KCNK2: variants seen among roughly 807,000 people sequenced by gnomAD.
The protein encoded by KCNK2 is potassium two pore domain channel subfamily K member 2.
Under a neutral mutation model 40.5 loss-of-function variants are expected in KCNK2, and 21 were observed. The observed-to-expected ratio is 0.52, with a 90% CI of 0.37 to 0.75. The LOEUF is 0.75. KCNK2 is among the 30% of genes least tolerant of loss of function. KCNK2 has a pLI of 0.00. For missense variants in KCNK2, 399 were observed against 531.6 expected, an observed-to-expected ratio of 0.75 and a Z score of 2.45; for synonymous variants, 191 against 202.2, an observed-to-expected ratio of 0.94 and a Z score of 0.47.
chr1:215,213,430 G>A (rs1285891085), intron 6 of KCNK2, among the ~76,000 whole-genome samples: 1 of 152,092 alleles, frequency 6.6e-6, no homozygotes, highest in Non-Finnish European at 1.5e-5. Flanking sequence ...CCAACATGGT[G>A]AAAACCCACG....
At chr1:215,227,637 G>A (rs2102707547) in intron 6 of KCNK2, among the ~76,000 whole-genome samples, 1 of 152,224 alleles carries the variant, frequency 6.6e-6, no homozygotes, top group Non-Finnish European at 1.5e-5. Flanking sequence ...TTCATTACAG[G>A]GCAATTTGGC....
chr1:215,093,074 A>G (rs1482646553), intron 2 of KCNK2, among the ~76,000 whole-genome samples: 1 of 152,122 alleles, frequency 6.6e-6, no homozygotes, highest in East Asian at 1.9e-4. Context: ...GGAAGTCATC[A>G]TTATATAGAA....
chr1:215,104,746 C>G (rs983981985), intron 2 of KCNK2, among the ~76,000 whole-genome samples: 3 of 151,874 alleles, frequency 2.0e-5, no homozygotes, highest in Non-Finnish European at 2.9e-5. Context: ...TGAGACAACT[C>G]AGAATTTTAA....
At chr1:215,111,959 G>A (rs1016679995) in intron 2 of KCNK2, among the ~76,000 whole-genome samples, 3 of 115,768 alleles carry the variant, frequency 2.6e-5, no homozygotes, top group South Asian at 4.9e-4. Flanking sequence ...ATAGTTGTGC[G>A]TTCTCTGGAC....
intron 1 of KCNK2, among the ~76,000 whole-genome samples, chr1:215,045,599 C>T (rs771920777): frequency 6.6e-6 from 1 of 152,018 alleles, no homozygotes; most frequent in Non-Finnish European, 1.5e-5. Context: ...TCCATATAAC[C>T]CTTGTTTGGT....
chr1:215,120,711 G>T (rs1424747861), intron 2 of KCNK2, among the ~76,000 whole-genome samples: 1 of 152,046 alleles, frequency 6.6e-6, no homozygotes, highest in African/African-American at 2.4e-5. Context: ...ATTTATGGAA[G>T]CCTTGATATA....
At chr1:215,095,764 C>T (rs1420239419) in intron 2 of KCNK2, among the ~76,000 whole-genome samples, 4 of 152,128 alleles carry the variant, frequency 2.6e-5, no homozygotes, top group Non-Finnish European at 5.9e-5. Flanking sequence ...GATTGTAAAC[C>T]CAGTAAACAC....
chr1:215,133,038 G>GT (rs1348006349), intron 3 of KCNK2, among the ~76,000 whole-genome samples: 4 of 151,988 alleles, frequency 2.6e-5, no homozygotes, highest in Non-Finnish European at 4.4e-5. Context: ...TTTGTTTTGG[G>GT]TTTTTTTGTT....
At chr1:215,009,252 G>A (rs553947774) in intron 1 of KCNK2, among the ~76,000 whole-genome samples, 152 of 152,060 alleles carry the variant, frequency 1.0e-3, no homozygotes, top group Middle Eastern at 3.4e-3. Flanking sequence ...AAAGCACTTG[G>A]GCAGAACCAC....
intron 2 of KCNK2, 39 bp from the exon 3 acceptor site, chr1:215,124,594 G>T: frequency 8.6e-7 from 1 of 1,168,106 alleles, no homozygotes; most frequent in South Asian, 1.2e-5. Context: ...GCCTCTGTGT[G>T]ATTCATGTGT....
At chr1:215,147,412 A>G (rs145013380) in intron 3 of KCNK2, among the ~76,000 whole-genome samples, 160 of 152,340 alleles carry the variant, frequency 1.1e-3, no homozygotes, top group African/African-American at 3.7e-3. Flanking sequence ...TCTAAAATGA[A>G]CAGATCTTTT....
At chr1:215,064,108 AT>A (rs1236841481) in intron 1 of KCNK2, among the ~76,000 whole-genome samples, 2 of 152,104 alleles carry the variant, frequency 1.3e-5, no homozygotes, top group African/African-American at 4.8e-5. Flanking sequence ...AGTTTTTAGC[AT>A]TTTTTTGATC....
rs1185320203 is a variant in KCNK2 at position 215,093,897 on chromosome 1, ATATAT to A, written c.357+7225_357+7229del. Among the ~76,000 whole-genome samples the A allele has an allele frequency of 5.5e-5, 6 of 109,868 alleles. 1 individual carries two copies. The South Asian group carries it at 7.1e-4, about 13-fold the overall frequency. 72.1% of individuals were successfully genotyped at this position (109,868 alleles called of 152,430 possible). ...TATATATTATATATTATATATAAAA[ATATAT>A]TATATATTATATATAAAAATATATA... On this transcript the variant is annotated intron_variant, in intron 2 of 6. Coordinates refer to ENST00000444842, the MANE Select transcript of KCNK2 (RefSeq NM_001017425.3).
intron 2 of KCNK2, among the ~76,000 whole-genome samples, chr1:215,122,031 G>T (rs1558100880): frequency 6.6e-6 from 1 of 151,974 alleles, no homozygotes; most frequent in East Asian, 1.9e-4. Flanking sequence ...CTGGTGCAGA[G>T]GATTGGCAAT....
intron 3 of KCNK2, among the ~76,000 whole-genome samples, chr1:215,165,756 C>T (rs764956380): frequency 6.6e-6 from 1 of 152,004 alleles, no homozygotes; most frequent in Non-Finnish European, 1.5e-5. Flanking sequence ...TACTGCTAAA[C>T]TGTTACTAGG....
intron 2 of KCNK2, among the ~76,000 whole-genome samples, chr1:215,106,790 T>C (rs1005588556): frequency 3.9e-5 from 6 of 152,108 alleles, no homozygotes; most frequent in Non-Finnish European, 8.8e-5. Flanking sequence ...TCCAGTTTCA[T>C]TCATCTGCAT....
At chr1:215,126,718 A>G (rs1661452358) in intron 3 of KCNK2, among the ~76,000 whole-genome samples, 1 of 152,162 alleles carries the variant, frequency 6.6e-6, no homozygotes, top group Non-Finnish European at 1.5e-5. Flanking sequence ...ATAAACCATT[A>G]TTACCAGCCT....
intron 5 of KCNK2, among the ~76,000 whole-genome samples, chr1:215,174,458 T>G (rs1345303657): frequency 3.3e-5 from 5 of 152,194 alleles, no homozygotes; most frequent in Admixed American, 3.3e-4. Context: ...ATGCGGGCTC[T>G]TTTTTGGTTC....
chr1:215,092,262 C>T (rs563948617), intron 2 of KCNK2, among the ~76,000 whole-genome samples: 1 of 152,044 alleles, frequency 6.6e-6, no homozygotes, highest in African/African-American at 2.4e-5. Context: ...AGGACAACCC[C>T]AAGATTTTTG....
Sources: allele counts gnomAD v4.1 joint callset (sites outside exome capture counted in the v4.1 genomes callset), GRCh38; gene constraint gnomAD v4.1.1; transcripts MANE v1.5; gene names NCBI Gene and HGNC (gene_info 2026-07-23, HGNC 2026-07-21).